TRAPPC8: variants seen among roughly 807,000 people sequenced by gnomAD.
The protein encoded by TRAPPC8 is general sporulation gene 1 homolog.
TRAPPC8 carries 54 observed loss-of-function variants against 174.3 expected under a neutral mutation model. The observed-to-expected ratio is 0.31, with a 90% CI of 0.25 to 0.39. The LOEUF (loss-of-function observed/expected upper bound fraction) is 0.39, where lower values mean the gene tolerates loss of function less well. TRAPPC8 is among the 10% of genes least tolerant of loss of function. TRAPPC8 has a pLI of 1.00. For missense variants in TRAPPC8, 1,531 were observed against 1,699.1 expected, an observed-to-expected ratio of 0.90 and a Z score of 1.74; for synonymous variants, 630 against 579.9, an observed-to-expected ratio of 1.09 and a Z score of -1.24.
intron 18 of TRAPPC8, 90 bp from the exon 19 acceptor site, chr18:31,864,871 G>T: frequency 8.6e-7 from 1 of 1,162,372 alleles, no homozygotes; most frequent in Non-Finnish European, 1.2e-6. Context: ...GTAAGTTTCA[G>T]ATTATTTCTA....
chr18:31,924,134 A>G (rs546573454), intron 2 of TRAPPC8, among the ~76,000 whole-genome samples: 19 of 151,978 alleles, frequency 1.3e-4, no homozygotes, highest in Non-Finnish European at 2.6e-4. Context: ...AAATACAAAA[A>G]ATTAGCCAGG....
chr18:31,854,834 T>C (rs2033909143), intron 21 of TRAPPC8, among the ~76,000 whole-genome samples: 1 of 151,470 alleles, frequency 6.6e-6, no homozygotes. Context: ...CCGGGCGTGG[T>C]GGGTGCCTGT....
At chr18:31,864,837 A>C (rs1014926067) in intron 18 of TRAPPC8, 56 bp from the exon 19 acceptor site, 2 of 1,442,166 alleles carry the variant, frequency 1.4e-6, no homozygotes, top group Non-Finnish European at 1.9e-6. Context: ...ACTGACATCA[A>C]TTTAACTTGA....
At chr18:31,910,571 G>C (rs1249230482) in intron 5 of TRAPPC8, among the ~76,000 whole-genome samples, 1 of 152,162 alleles carries the variant, frequency 6.6e-6, no homozygotes, top group Admixed American at 6.6e-5. Flanking sequence ...ACAAGCAAAG[G>C]TCAAGAATTT....
rs2034361741 is a variant in TRAPPC8, at chr18:31,862,174, C to T, written c.2745+2453G>A. Among the ~76,000 whole-genome samples the T allele has an allele frequency of 2.6e-5, 4 of 152,140 alleles. No homozygotes were observed. The South Asian group carries it at 6.2e-4, about 24-fold the overall frequency. ...ATAACCCTAAAATAACATTTGACTC[C>T]TGACTCATTTCAATTCATCATCAGC... On this transcript the variant is annotated intron_variant, in intron 19 of 28. Coordinates refer to ENST00000283351, the MANE Select transcript of TRAPPC8 (RefSeq NM_014939.5).
In TRAPPC8 at chr18:31,942,590, A is replaced by T. The variant is rs542965437; in HGVS notation, c.157+18T>A. ...CGGCTTTGCGGGAGCCCACTGGAAA[A>T]GGGAGGATACCACATACCCTCGGAA... On this transcript the variant is annotated intron_variant, in intron 1 of 28. Transcript: ENST00000283351. 2 of 1,516,378 alleles carry T rather than the reference A, an allele frequency of 1.3e-6. No homozygotes were observed. The highest frequency in any genetic ancestry group is 1.2e-5 in the South Asian group (1 of 81,742). 93.9% of individuals were successfully genotyped at this position (1,516,378 alleles called of 1,614,324 possible). A position where few individuals can be genotyped will look rare whatever the true frequency, so the allele number is the denominator to read the frequency against.
chr18:31,881,019 C>A (rs985780979), intron 12 of TRAPPC8, among the ~76,000 whole-genome samples: 7 of 151,928 alleles, frequency 4.6e-5, no homozygotes, highest in Non-Finnish European at 1.0e-4. Flanking sequence ...AAAAAAAACC[C>A]ACGCTCACAG....
At chr18:31,942,146 A>G (rs1322857475) in intron 1 of TRAPPC8, among the ~76,000 whole-genome samples, 1 of 152,240 alleles carries the variant, frequency 6.6e-6, no homozygotes, top group Non-Finnish European at 1.5e-5. Context: ...CCTCAACGCT[A>G]CAAGAATGTA....
chr18:31,875,512 A>G (rs2035099638), intron 12 of TRAPPC8, among the ~76,000 whole-genome samples: 1 of 152,162 alleles, frequency 6.6e-6, no homozygotes, highest in African/African-American at 2.4e-5. Flanking sequence ...GTGGGCTAGG[A>G]CAGCAGCACA....
chr18:31,870,774 G>T, intron 15 of TRAPPC8, 152 bp downstream of exon 15: 1 of 795,666 alleles, frequency 1.3e-6, no homozygotes, highest in Non-Finnish European at 1.9e-6. Context: ...AGTCCCCCTT[G>T]TCTGGTTTTA....
rs973964819 is a variant in TRAPPC8, at chr18:31,908,734, T to C, written c.1122+20A>G. On this transcript the variant is annotated intron_variant, in intron 7 of 28. Coordinates refer to ENST00000283351, the MANE Select transcript of TRAPPC8 (RefSeq NM_014939.5). ...TTTACTTAAATTTTTAAAATACTAA[T>C]CCAAAAAATCAAACCTTACCTGATC... 5.2e-6 allele frequency: 8 copies of C among 1,524,698 alleles called. No homozygotes were observed. The highest frequency in any genetic ancestry group is 7.0e-6 in the Non-Finnish European group (8 of 1,136,734). The allele number at this position is 1,524,698 out of a possible 1,614,324, so 94.4% of individuals were successfully genotyped here. A position where few individuals can be genotyped will look rare whatever the true frequency, so the allele number is the denominator to read the frequency against.
At chr18:31,919,002 A>T (rs1200370723) in intron 2 of TRAPPC8, among the ~76,000 whole-genome samples, 1 of 152,178 alleles carries the variant, frequency 6.6e-6, no homozygotes, top group East Asian at 1.9e-4. Flanking sequence ...CTTTCTGCTT[A>T]TATTATAATA....
At chr18:31,873,279 A>C (rs1268355858) in intron 14 of TRAPPC8, 151 bp downstream of exon 14, 6 of 575,582 alleles carry the variant, frequency 1.0e-5, no homozygotes, top group Non-Finnish European at 1.5e-5. Flanking sequence ...AGCCTCCCAA[A>C]GTGCTGGGAT....
intron 27 of TRAPPC8, among the ~76,000 whole-genome samples, chr18:31,835,297 C>A (rs1271251281): frequency 6.6e-6 from 1 of 152,200 alleles, no homozygotes; most frequent in Non-Finnish European, 1.5e-5. Flanking sequence ...TAGTAAGACA[C>A]TATTCTCTCG....
At chr18:31,860,447 G>A (rs897321978) in intron 19 of TRAPPC8, among the ~76,000 whole-genome samples, 5 of 151,924 alleles carry the variant, frequency 3.3e-5, no homozygotes, top group African/African-American at 1.2e-4. Flanking sequence ...TATACACATA[G>A]TAGTATGCAA....
rs2034798196 is a variant in TRAPPC8 at position 31,870,447 on chromosome 18, C to G, written c.2313G>C (p.Leu771Phe). 3 of 1,612,444 alleles carry G rather than the reference C, an allele frequency of 1.9e-6. No individual in the cohort carries two copies. The highest frequency in any genetic ancestry group is 2.5e-6 in the Non-Finnish European group (3 of 1,179,140). ...FRNPLKVLLL[L>F]TDLSLLWKFH... The stretch of plus-strand genomic sequence containing the variant: ...ACTTCCAAAGCAATGACAAATCAGT[C>G]AACAAAAGTAGAACTTTCAAAGGGT... Residue 771 changes from leucine (L) to phenylalanine (F), a missense_variant, in exon 16 of 29, where the codon TTG becomes TTC. Transcript: ENST00000283351.
Position 31,831,003 on chromosome 18 carries a change from A to C in TRAPPC8, c.4074-14T>G. On this transcript the variant is annotated splice_polypyrimidine_tract_variant and intron_variant, in intron 28 of 28. Transcript: ENST00000283351. ...AGTGCTTCTGGACTAAGGGAGGAGG[A>C]AAATGTAAGTTGCAGGATTTTTTTC... is the stretch of plus-strand genomic sequence containing the variant. The C allele has an allele frequency of 2.5e-6, 4 of 1,583,734 alleles. No individual in the cohort carries two copies. The highest frequency in any genetic ancestry group is 3.4e-6 in the Non-Finnish European group (4 of 1,162,716).
chr18:31,857,482 A>G (rs2034082789), intron 20 of TRAPPC8, 58 bp downstream of exon 20: 1 of 1,324,090 alleles, frequency 7.6e-7, no homozygotes, highest in East Asian at 2.4e-5. Flanking sequence ...TGTTTATCTG[A>G]ATATGTGCAT....
chr18:31,864,557 AAATT>A, intron 19 of TRAPPC8, 66 bp downstream of exon 19: 2 of 1,498,164 alleles, frequency 1.3e-6, no homozygotes, highest in Middle Eastern at 1.7e-4. Context: ...TCAGAGCCTA[AAATT>A]AATTTACTCA....
Sources: allele counts gnomAD v4.1 joint callset (sites outside exome capture counted in the v4.1 genomes callset), GRCh38; gene constraint gnomAD v4.1.1; transcripts MANE v1.5; gene names NCBI Gene and HGNC (gene_info 2026-07-23, HGNC 2026-07-21).